The following CLINT1 variants were observed in gnomAD, a reference collection of about 807,000 sequenced individuals.
CLINT1 encodes the protein clathrin interacting protein localized in the trans-Golgi region.
Under a neutral mutation model 70.4 loss-of-function variants are expected in CLINT1, and 15 were observed. That is an observed-to-expected ratio of 0.21 (90% CI 0.14 to 0.33). The LOEUF (loss-of-function observed/expected upper bound fraction) is 0.33. Ranked by LOEUF, CLINT1 falls within the 10% of genes least tolerant of loss-of-function variation. CLINT1 has a pLI of 1.00. For synonymous variants in CLINT1, 227 were observed against 254.7 expected (o/e 0.89, Z 1.04); for missense variants, 615 against 778.1 (o/e 0.79, Z 2.49).
intron 3 of CLINT1, among the ~76,000 whole-genome samples, chr5:157,816,204 T>C (rs1561652293): frequency 6.6e-6 from 1 of 152,140 alleles, no homozygotes; most frequent in Non-Finnish European, 1.5e-5. Flanking sequence ...CAAGAAAATA[T>C]GGTAGGTTAT....
In CLINT1 at chr5:157,846,393, T is replaced by G. The variant is rs559678393; in HGVS notation, c.41+12537A>C. ...TATCAAACTAGCCACAACATTCCCT[T>G]AAGCCAAAGCCTAATCCAGAGCAAG... On this transcript the variant is annotated intron_variant, in intron 1 of 11. Coordinates refer to ENST00000411809, the MANE Select transcript of CLINT1 (RefSeq NM_014666.4). 2.6e-5 allele frequency among the ~76,000 whole-genome samples: 4 copies of G among 152,318 alleles called. No homozygotes were observed. The South Asian group carries it at 8.3e-4, about 32-fold the overall frequency.
chr5:157,842,928 T>A (rs1753239813), intron 1 of CLINT1, among the ~76,000 whole-genome samples: 1 of 152,226 alleles, frequency 6.6e-6, no homozygotes, highest in African/African-American at 2.4e-5. Context: ...ATTTGCTCTT[T>A]AAAGTTAATC....
chr5:157,858,934 T>C lies in CLINT1; in HGVS notation c.37A>G (p.Lys13Glu). 1 of 1,380,046 alleles carries C rather than the reference T, an allele frequency of 7.2e-7. No homozygotes were observed. The highest frequency in any genetic ancestry group is 4.3e-5 in the East Asian group (1 of 23,042). 85.5% of individuals were successfully genotyped at this position (1,380,046 alleles called of 1,614,324 possible). ...CAACTGCCCCCCGATACTCACGCTT[T>C]GTCCACCAGCTCGCGCACCTTCCAC... ...NMWKVRELVD[K>E]ATNVVMNYSE... is the part of the protein sequence containing the mutation. The change falls in exon 1 of 12, where the codon AAA becomes GAA. Residue 13 changes from lysine (K) to glutamate (E), a missense_variant. By Grantham distance (56) the Lys-to-Glu change is moderately conservative (BLOSUM62 1). This residue lies in a region of CLINT1 where 241 missense variants were observed against 368.6 expected (regional missense o/e 0.65). Transcript: ENST00000411809.
Position 157,824,253 on chromosome 5 carries a change from C to T in CLINT1, c.42-6706G>A, listed in dbSNP as rs115285778. On this transcript the variant is annotated intron_variant, in intron 1 of 11. Transcript: ENST00000411809. ...TCAGGGGATAGCCTCCACCACATTA[C>T]CCTTGTTTGCAAGTTGAACATTTTA... is the stretch of plus-strand genomic sequence containing the variant. Among the ~76,000 whole-genome samples, 162 of 152,304 alleles carry T rather than the reference C, an allele frequency of 1.1e-3. 3 individuals carry two copies. The highest frequency in any genetic ancestry group is 3.5e-3 in the African/African-American group (145 of 41,558).
At chr5:157,828,553 T>C (rs1265473604) in intron 1 of CLINT1, among the ~76,000 whole-genome samples, 1 of 152,058 alleles carries the variant, frequency 6.6e-6, no homozygotes, top group East Asian at 1.9e-4. Flanking sequence ...AACAGCTGTG[T>C]TAGAGTGGTA....
chr5:157,841,260 C>T (rs1256168429), intron 1 of CLINT1, among the ~76,000 whole-genome samples: 8 of 144,966 alleles, frequency 5.5e-5, no homozygotes, highest in Admixed American at 1.4e-4. Context: ...AGCAAGAGCC[C>T]GTGTTTAAAA....
At chr5:157,788,945 C>T (rs532610017) in intron 11 of CLINT1, among the ~76,000 whole-genome samples, 6 of 130,746 alleles carry the variant, frequency 4.6e-5, no homozygotes, top group South Asian at 2.4e-4. Flanking sequence ...CTAGCCTGGG[C>T]GACAGAGCAA....
At position 157,805,862 on chromosome 5, in the gene CLINT1, C is replaced by T. The variant is rs1172203325; in HGVS notation, c.942+4G>A. ...TATAATGTGTAAACTACTGCCATTC[C>T]CACCTTAACTGAAGACTGAGGTGTG... is the stretch of plus-strand genomic sequence containing the variant. On this transcript the variant is annotated splice_donor_region_variant and intron_variant, in intron 7 of 11. Coordinates refer to ENST00000411809, the MANE Select transcript of CLINT1 (RefSeq NM_014666.4). 1 of 1,613,690 alleles carries T rather than the reference C, an allele frequency of 6.2e-7. No individual in the cohort carries two copies. Among genetic ancestry groups the T allele is most frequent in the East Asian group, 2.2e-5 (1 of 44,890 alleles).
chr5:157,848,428 G>A (rs6863613), intron 1 of CLINT1, among the ~76,000 whole-genome samples: 67,298 of 151,390 alleles, frequency 0.44, 15,376 homozygotes, highest in Non-Finnish European at 0.49. Context: ...TTATTGAGAC[G>A]CAGTCTCGCT....
At chr5:157,853,159 C>T (rs758995193) in intron 1 of CLINT1, among the ~76,000 whole-genome samples, 9 of 151,730 alleles carry the variant, frequency 5.9e-5, no homozygotes, top group Non-Finnish European at 8.8e-5. Flanking sequence ...ACCAGCCTGG[C>T]CAAAGTGATG....
At chr5:157,837,418 ACACACACACAC>A in intron 1 of CLINT1, among the ~76,000 whole-genome samples, 1 of 149,174 alleles carries the variant, frequency 6.7e-6, no homozygotes, top group Non-Finnish European at 1.5e-5. Context: ...AAATACACAC[ACACACACACAC>A]ACACACACAC....
chr5:157,805,431 C>T (rs1762356125), intron 7 of CLINT1, among the ~76,000 whole-genome samples: 2 of 152,186 alleles, frequency 1.3e-5, no homozygotes, highest in Non-Finnish European at 2.9e-5. Context: ...GTGAGGCAAA[C>T]ACGCCTCCCT....
intron 1 of CLINT1, among the ~76,000 whole-genome samples, chr5:157,823,196 A>G (rs956020497): frequency 6.6e-6 from 1 of 152,248 alleles, no homozygotes; most frequent in Non-Finnish European, 1.5e-5. Context: ...TTTAAAAGAC[A>G]GAAACATCTG....
In CLINT1 at chr5:157,791,789, C is replaced by T; in HGVS notation, c.1294G>A (p.Ala432Thr). ...DLFDLMGSSQ[A>T]TMTSSQSMNF... ...ATACTCTGGGAAGATGTCATGGTTG[C>T]CTGGGACGAGCCCATAAGATCAAAC... Residue 432 changes from alanine to threonine, a missense_variant, in exon 10 of 12, where the codon GCA becomes ACA. Physicochemically the swap from Ala to Thr is moderately conservative, Grantham distance 58. Coordinates refer to ENST00000411809, the MANE Select transcript of CLINT1 (RefSeq NM_014666.4). The T allele has an allele frequency of 2.5e-6, 4 of 1,613,934 alleles. No individual in the cohort carries two copies. In the South Asian group the frequency reaches 4.4e-5, roughly 18 times the overall value.
In CLINT1 at chr5:157,787,922, C is replaced by T. The variant is rs377104989; in HGVS notation, c.1602G>A (p.Met534Ile). The change falls in exon 12 of 12, where the codon ATG becomes ATA. Residue 534 changes from methionine to isoleucine, a missense_variant. Around this residue, in one of 2 missense-constraint regions of CLINT1, gnomAD observed 374 missense variants for 409.6 expected, o/e 0.91. Coordinates refer to ENST00000411809, the MANE Select transcript of CLINT1 (RefSeq NM_014666.4). Reference sequence around the variant, plus strand: ...CATTAGTTTGGGGCCGGACAGGAAGCATGTTCGATGGAGAACTGAGGTTCA... The same window carrying T: ...CATTAGTTTGGGGCCGGACAGGAAGTATGTTCGATGGAGAACTGAGGTTCA... ...GAVNLSSPSN[M>I]LPVRPQTNAL... 2.0e-5 allele frequency: 32 copies of T among 1,613,290 alleles called. No individual in the cohort carries two copies. The highest frequency in any genetic ancestry group is 2.7e-5 in the Non-Finnish European group (32 of 1,179,558).
chr5:157,793,472 G>A (rs1206008468), intron 9 of CLINT1, among the ~76,000 whole-genome samples: 1 of 152,114 alleles, frequency 6.6e-6, no homozygotes, highest in Admixed American at 6.5e-5. Flanking sequence ...AATCATTGTT[G>A]CAATGGTTTC....
chr5:157,790,741 C>T, intron 10 of CLINT1: 1 of 408,890 alleles, frequency 2.4e-6, no homozygotes, highest in East Asian at 7.6e-5. Context: ...CATTCAGACA[C>T]ATATTTTCCA....
intron 1 of CLINT1, among the ~76,000 whole-genome samples, chr5:157,852,927 A>C (rs949011500): frequency 1.3e-5 from 2 of 152,246 alleles, no homozygotes; most frequent in Admixed American, 6.5e-5. Flanking sequence ...ATATGTTGTC[A>C]CCAAAGGTAG....
At chr5:157,817,107 T>C (rs1223149598) in intron 2 of CLINT1, among the ~76,000 whole-genome samples, 1 of 152,162 alleles carries the variant, frequency 6.6e-6, no homozygotes, top group African/African-American at 2.4e-5. Context: ...ACTGGTACAA[T>C]GGCCCAGATG....
Sources: gnomAD v4.1 joint callset for allele counts (sites outside exome capture counted in the v4.1 genomes callset) on GRCh38, gnomAD v4.1.1 for gene constraint, gnomAD v4.1.1 regional missense constraint, MANE v1.5 for transcripts, NCBI Gene and HGNC (gene_info 2026-07-23, HGNC 2026-07-21) for gene names.